The following ALG12 variants were observed in gnomAD, a reference collection of about 807,000 sequenced individuals.
The protein encoded by ALG12 is dol-P-Man:Man(7)GlcNAc(2)-PP-Dol alpha-1,6-mannosyltransferase.
Under a neutral mutation model 46.0 loss-of-function variants are expected in ALG12, and 36 were observed. The observed-to-expected ratio is 0.78, with a 90% confidence interval of 0.60 to 1.03. ALG12 has a LOEUF of 1.03. Ranked by LOEUF, ALG12 falls within the 50% of genes least tolerant of loss-of-function variation. ALG12 has a pLI of 0.00. For synonymous variants in ALG12, 326 were observed against 291.6 expected, an observed-to-expected ratio of 1.12 and a Z score of -1.20; for missense variants, 599 against 633.5, an observed-to-expected ratio of 0.95 and a Z score of 0.58.
At chr22:49,859,320 A>G in the ALG12 span, among the ~76,000 whole-genome samples, 1 of 152,012 alleles carries the variant, frequency 6.6e-6, no homozygotes, top group African/African-American at 2.4e-5. Context: ...CTTGAGTATC[A>G]AGGTGGACTA....
chr22:49,916,606 G>A (rs75839612), intron 1 of ALG12, among the ~76,000 whole-genome samples: 1,627 of 152,208 alleles, frequency 0.011, 35 homozygotes, highest in African/African-American at 0.038. Flanking sequence ...GAAGCAAGCC[G>A]GATGTGTTGG....
At chr22:49,881,089 T>C in the ALG12 span, among the ~76,000 whole-genome samples, 3 of 152,238 alleles carry the variant, frequency 2.0e-5, no homozygotes, top group Non-Finnish European at 4.4e-5. Context: ...CTCAGGCCTG[T>C]AAACCCAGCA....
chr22:49,913,311 C>A, intron 3 of ALG12, 74 bp downstream of exon 3: 1 of 1,600,980 alleles, frequency 6.2e-7, no homozygotes, highest in Non-Finnish European at 8.5e-7. Context: ...GCAGGAGGGA[C>A]CGCGGCCTCG....
the ALG12 span, among the ~76,000 whole-genome samples, chr22:49,893,288 G>A: frequency 6.6e-6 from 1 of 152,170 alleles, no homozygotes; most frequent in Non-Finnish European, 1.5e-5. Context: ...GAACTGTTGG[G>A]ACATCAGCCA....
the ALG12 span, among the ~76,000 whole-genome samples, chr22:49,880,266 CAGCCTCCAGGG>C: frequency 2.0e-5 from 3 of 152,222 alleles, no homozygotes; most frequent in Non-Finnish European, 4.4e-5. Context: ...AAGCTGTTCC[CAGCCTCCAGGG>C]AGCCCTGGCA....
chr22:49,911,068 G>T (rs747026368), intron 3 of ALG12, among the ~76,000 whole-genome samples: 1 of 152,238 alleles, frequency 6.6e-6, no homozygotes, highest in Non-Finnish European at 1.5e-5. Flanking sequence ...TTGACAGCAG[G>T]AGCCACCTCT....
In ALG12 at chr22:49,902,304, CT is replaced by C. The variant is rs2060515036; in HGVS notation, c.*1533del. 8.1e-6 allele frequency: 1 copy of C among 122,966 alleles called. No individual in the cohort carries two copies. The highest frequency in any genetic ancestry group is 3.4e-5 in the African/African-American group (1 of 29,234). The allele number at this position is 122,966 out of a possible 1,614,324, so 7.6% of individuals were successfully genotyped here. On this transcript the variant is annotated 3_prime_UTR_variant, in exon 10 of 10. Coordinates refer to ENST00000330817, the MANE Select transcript of ALG12 (RefSeq NM_024105.4). Reference sequence around the variant, plus strand: ...TGTATGCATAGTGTGCACGTGTGCACTGTGTGTGGATGCATGGTAATGTGCA... The same window carrying C: ...TGTATGCATAGTGTGCACGTGTGCACGTGTGTGGATGCATGGTAATGTGCA...
At chr22:49,884,764 G>A in the ALG12 span, 3 of 1,598,266 alleles carry the variant, frequency 1.9e-6, no homozygotes, top group Non-Finnish European at 1.7e-6. Context: ...GCCGGAGGGG[G>A]AGCTCAGCTC....
At chr22:49,895,186 A>G in the ALG12 span, among the ~76,000 whole-genome samples, 1 of 152,204 alleles carries the variant, frequency 6.6e-6, no homozygotes, top group Non-Finnish European at 1.5e-5. Flanking sequence ...ATCACCATAA[A>G]AATTCTCATT....
the ALG12 span, among the ~76,000 whole-genome samples, chr22:49,861,624 T>C: frequency 1.2e-4 from 19 of 152,228 alleles, no homozygotes; most frequent in Middle Eastern, 6.8e-3. Flanking sequence ...TTTGTAGAGA[T>C]GGGAGTCTCA....
At chr22:49,869,782 C>G in the ALG12 span, among the ~76,000 whole-genome samples, 3 of 152,192 alleles carry the variant, frequency 2.0e-5, no homozygotes, top group Non-Finnish European at 2.9e-5. Flanking sequence ...GTGTCCTCCA[C>G]TCACTTTTTA....
the ALG12 span, among the ~76,000 whole-genome samples, chr22:49,867,150 G>A: frequency 1.3e-5 from 2 of 152,162 alleles, no homozygotes; most frequent in Admixed American, 6.5e-5. Flanking sequence ...CTCACGGTTT[G>A]TTTTTCACCC....
the ALG12 span, chr22:49,888,164 CTG>C: frequency 1.2e-4 from 20 of 167,292 alleles, no homozygotes; most frequent in Non-Finnish European, 2.1e-4. Flanking sequence ...GCGGCCATCA[CTG>C]GGATATTTTC....
At chr22:49,893,974 GC>G in the ALG12 span, among the ~76,000 whole-genome samples, 3 of 152,126 alleles carry the variant, frequency 2.0e-5, no homozygotes, top group Admixed American at 6.5e-5. Flanking sequence ...GACCAGCCTG[GC>G]CAACATGATG....
the ALG12 span, among the ~76,000 whole-genome samples, chr22:49,891,133 C>T: frequency 6.6e-6 from 1 of 152,200 alleles, no homozygotes; most frequent in Non-Finnish European, 1.5e-5. Context: ...GACTTGTCCA[C>T]ATTTGCCTTG....
At position 49,902,573 on chromosome 22, in the gene ALG12, G is replaced by T. The variant is rs1434872706; in HGVS notation, c.*1265C>A. On this transcript the variant is annotated 3_prime_UTR_variant, in exon 10 of 10. Coordinates refer to ENST00000330817, the MANE Select transcript of ALG12 (RefSeq NM_024105.4). ...TGTGTATGCATGGTAATGTGCACGT[G>T]TGCACTGTGTGTGGTGTGTATGCAT... 1.4e-5 allele frequency: 2 copies of T among 139,644 alleles called. No individual in the cohort carries two copies. Among genetic ancestry groups the T allele is most frequent in the Non-Finnish European group, 1.5e-5 (1 of 65,884 alleles). The allele number at this position is 139,644 out of a possible 1,614,324, so 8.7% of individuals were successfully genotyped here.
the ALG12 span, chr22:49,884,792 T>C: frequency 1.2e-6 from 2 of 1,608,834 alleles, no homozygotes; most frequent in East Asian, 4.5e-5. Flanking sequence ...TCGTCTCCAG[T>C]AAAGCCGGTC....
At chr22:49,915,592 A>C (rs918564581) in intron 1 of ALG12, among the ~76,000 whole-genome samples, 2 of 152,192 alleles carry the variant, frequency 1.3e-5, no homozygotes, top group Admixed American at 6.5e-5. Flanking sequence ...AAATTTAAAA[A>C]AATAAACTTG....
At position 49,902,269 on chromosome 22, in the gene ALG12, ATGTGTG is replaced by A. The variant is rs1569171780; in HGVS notation, c.*1563_*1568del. On this transcript the variant is annotated 3_prime_UTR_variant, in exon 10 of 10. Coordinates refer to ENST00000330817, the MANE Select transcript of ALG12 (RefSeq NM_024105.4). ...TGCACTGTGTATGCATGGTGTGTGC[ATGTGTG>A]CACTGTATGCATAGTGTGCACGTGT... 3 of 101,580 alleles carry A rather than the reference ATGTGTG, an allele frequency of 3.0e-5. No homozygotes were observed. Among genetic ancestry groups the A allele is most frequent in the African/African-American group, 7.1e-5 (1 of 14,058 alleles). 6.3% of individuals were successfully genotyped at this position (101,580 alleles called of 1,614,324 possible).
Sources: allele counts gnomAD v4.1 joint callset (sites outside exome capture counted in the v4.1 genomes callset), GRCh38; gene constraint gnomAD v4.1.1; transcripts MANE v1.5; gene names NCBI Gene and HGNC (gene_info 2026-07-23, HGNC 2026-07-21).